DCC: variants seen among roughly 807,000 people sequenced by gnomAD.
DCC encodes the protein netrin receptor DCC.
Under a neutral mutation model 172.5 loss-of-function variants are expected in DCC, and 58 were observed. That is an observed-to-expected ratio of 0.34 (90% confidence interval 0.27 to 0.42). The LOEUF is 0.42. Ranked by LOEUF, DCC falls within the 10% of genes least tolerant of loss-of-function variation. DCC has a pLI of 1.00. For synonymous variants in DCC, 709 were observed against 644.5 expected (o/e 1.10, Z -1.52); for missense variants, 1,740 against 1,791.0 (o/e 0.97, Z 0.51).
chr18:53,465,268 G>C (rs79562622), intron 24 of DCC, among the ~76,000 whole-genome samples: 3,211 of 148,828 alleles, frequency 0.022, 69 homozygotes, highest in Non-Finnish European at 0.032. Flanking sequence ...TGGTTTATCT[G>C]CTTGAGACAA....
intron 2 of DCC, among the ~76,000 whole-genome samples, chr18:52,840,964 GAAA>G (rs5741773): frequency 6.6e-6 from 1 of 151,096 alleles, no homozygotes; most frequent in Non-Finnish European, 1.5e-5. Flanking sequence ...ATGCTATGAT[GAAA>G]AAAAAAAGCA....
chr18:52,762,483 AAAC>A (rs202184076), intron 2 of DCC, among the ~76,000 whole-genome samples: 1 of 143,378 alleles, frequency 7.0e-6, no homozygotes, highest in Admixed American at 6.8e-5. Context: ...AAAAAAAAAA[AAAC>A]AAACATTTTT....
At chr18:52,377,515 C>T (rs1200620299) in intron 1 of DCC, among the ~76,000 whole-genome samples, 1 of 152,120 alleles carries the variant, frequency 6.6e-6, no homozygotes, top group Non-Finnish European at 1.5e-5. Flanking sequence ...GGTGATTTCA[C>T]TGCTAGCATT....
intron 1 of DCC, among the ~76,000 whole-genome samples, chr18:52,623,390 C>G (rs1269031981): frequency 6.6e-6 from 1 of 152,172 alleles, no homozygotes; most frequent in Non-Finnish European, 1.5e-5. Context: ...CAGATGCATT[C>G]TCTTCAAAGA....
At chr18:52,832,715 A>G (rs1598848970) in intron 2 of DCC, among the ~76,000 whole-genome samples, 1 of 152,176 alleles carries the variant, frequency 6.6e-6, no homozygotes, top group Non-Finnish European at 1.5e-5. Context: ...AAGAATAATT[A>G]AAAGTAATTT....
At chr18:52,771,984 G>A (rs1005304288) in intron 2 of DCC, among the ~76,000 whole-genome samples, 2 of 151,610 alleles carry the variant, frequency 1.3e-5, no homozygotes, top group Admixed American at 6.6e-5. Flanking sequence ...GTTTTAATAT[G>A]TCTATGGTTT....
At chr18:52,698,943 C>A (rs942690575) in intron 1 of DCC, among the ~76,000 whole-genome samples, 1 of 152,020 alleles carries the variant, frequency 6.6e-6, no homozygotes. Context: ...CTTTTCATGG[C>A]ATAGGAAAGG....
intron 1 of DCC, among the ~76,000 whole-genome samples, chr18:52,719,392 T>G (rs1352190214): frequency 6.7e-6 from 1 of 150,266 alleles, no homozygotes; most frequent in African/African-American, 2.4e-5. Flanking sequence ...GCAAAGTGAG[T>G]GTTGAGAGAA....
intron 5 of DCC, among the ~76,000 whole-genome samples, chr18:52,939,897 TCAAA>T (rs1271447656): frequency 1.3e-5 from 2 of 152,162 alleles, no homozygotes; most frequent in African/African-American, 4.8e-5. Context: ...GATTCTTCTG[TCAAA>T]CAAAAAATAG....
At chr18:53,069,126 C>A (rs375359033) in intron 7 of DCC, among the ~76,000 whole-genome samples, 1 of 152,190 alleles carries the variant, frequency 6.6e-6, no homozygotes, top group Non-Finnish European at 1.5e-5. Context: ...CCAAAGTTTT[C>A]TGACCTAATG....
intron 12 of DCC, among the ~76,000 whole-genome samples, chr18:53,295,624 A>C (rs2057057324): frequency 6.6e-6 from 1 of 152,162 alleles, no homozygotes; most frequent in Non-Finnish European, 1.5e-5. Context: ...TGAATGATGA[A>C]ATTTGAAAAC....
chr18:53,505,838 T>C (rs1015714526), intron 27 of DCC, among the ~76,000 whole-genome samples: 2 of 152,224 alleles, frequency 1.3e-5, no homozygotes, highest in African/African-American at 4.8e-5. Context: ...TAGGTTGTTT[T>C]CAAGGCAGTA....
rs1433088672 is a variant in DCC, at chr18:52,427,866, T to C, written c.91+86988T>C. Among the ~76,000 whole-genome samples, 3 of 146,458 alleles carry C rather than the reference T, an allele frequency of 2.0e-5. 1 individual carries two copies. Among genetic ancestry groups the C allele is most frequent in the Non-Finnish European group, 4.5e-5 (3 of 66,106 alleles). On this transcript the variant is annotated intron_variant, in intron 1 of 28. Transcript: ENST00000442544. ...TTCCTTCCTTCCTTCCTTCCTTCCTTCCTTCCTTCCTTCCTTCCTTCCTTC... is the reference window on the plus strand; with the variant it reads ...TTCCTTCCTTCCTTCCTTCCTTCCTCCCTTCCTTCCTTCCTTCCTTCCTTC...
chr18:52,634,691 G>C (rs1336677441), intron 1 of DCC, among the ~76,000 whole-genome samples: 1 of 152,102 alleles, frequency 6.6e-6, no homozygotes. Context: ...GTATAACTTA[G>C]TGGTAGAGAC....
intron 1 of DCC, among the ~76,000 whole-genome samples, chr18:52,622,591 A>C (rs549074578): frequency 1.9e-3 from 284 of 152,088 alleles, no homozygotes; most frequent in Admixed American, 5.3e-3. Context: ...CCCTATTCTA[A>C]ACACTTCCTT....
At chr18:53,087,249 C>A (rs2042927561) in intron 7 of DCC, among the ~76,000 whole-genome samples, 1 of 151,820 alleles carries the variant, frequency 6.6e-6, no homozygotes, top group South Asian at 2.1e-4. Context: ...TTCTCCACAT[C>A]CTCTCCAGCA....
At chr18:53,514,335 C>T (rs1833431496) in intron 27 of DCC, among the ~76,000 whole-genome samples, 1 of 151,774 alleles carries the variant, frequency 6.6e-6, no homozygotes, top group South Asian at 2.1e-4. Context: ...ACTAAATGCC[C>T]ACAAGAGAGA....
intron 1 of DCC, among the ~76,000 whole-genome samples, chr18:52,604,195 G>A (rs914109934): frequency 6.6e-6 from 1 of 152,004 alleles, no homozygotes; most frequent in African/African-American, 2.4e-5. Context: ...GGCATTTGAT[G>A]CTCTCGGTAT....
chr18:52,977,228 A>C (rs72928153), intron 5 of DCC, among the ~76,000 whole-genome samples: 5,359 of 152,214 alleles, frequency 0.035, 126 homozygotes, highest in African/African-American at 0.054. Flanking sequence ...GAAGTGTCTT[A>C]TAATGTGCTC....
Sources: allele counts gnomAD v4.1 joint callset (sites outside exome capture counted in the v4.1 genomes callset), GRCh38; gene constraint gnomAD v4.1.1; transcripts MANE v1.5; gene names NCBI Gene and HGNC (gene_info 2026-07-23, HGNC 2026-07-21).